The following JAZF1 variants were observed in gnomAD, a reference collection of about 807,000 sequenced individuals.
JAZF1 encodes juxtaposed with another zinc finger protein 1.
A neutral mutation model predicts 26.4 loss-of-function variants in JAZF1; 8 were observed. The ratio of observed to expected loss-of-function variants is 0.30; its 90% CI spans 0.18 to 0.55. JAZF1 has a LOEUF of 0.55. Among genes scored for constraint, JAZF1 ranks in the 20% least tolerant of loss-of-function variants. JAZF1 has a pLI of 0.94. For missense variants in JAZF1, 199 were observed against 322.0 expected, an observed-to-expected ratio of 0.62 and a Z score of 2.92; for synonymous variants, 126 against 122.3, an observed-to-expected ratio of 1.03 and a Z score of -0.20.
At chr7:27,911,658 A>C (rs1784362336) in intron 2 of JAZF1, among the ~76,000 whole-genome samples, 1 of 152,220 alleles carries the variant, frequency 6.6e-6, no homozygotes, top group South Asian at 2.1e-4. Flanking sequence ...CCTATTGAGC[A>C]GTGCTGTTAC....
chr7:27,908,310 A>C (rs907549605), intron 2 of JAZF1, among the ~76,000 whole-genome samples: 1 of 152,218 alleles, frequency 6.6e-6, no homozygotes, highest in Non-Finnish European at 1.5e-5. Context: ...TTCTTAAATG[A>C]AGTACTAATA....
intron 1 of JAZF1, among the ~76,000 whole-genome samples, chr7:28,128,684 G>A (rs1782739631): frequency 6.6e-6 from 1 of 152,160 alleles, no homozygotes; most frequent in Non-Finnish European, 1.5e-5. Flanking sequence ...AAGAAGGTGT[G>A]TCTTGCTGAG....
intron 1 of JAZF1, among the ~76,000 whole-genome samples, chr7:28,013,162 A>AC (rs1442489071): frequency 6.6e-6 from 1 of 151,876 alleles, no homozygotes; most frequent in East Asian, 1.9e-4. Flanking sequence ...ACCTGAGTGC[A>AC]CCCCCGGTGA....
intron 1 of JAZF1, among the ~76,000 whole-genome samples, chr7:28,085,124 C>T (rs1340151446): frequency 6.6e-6 from 1 of 152,184 alleles, no homozygotes; most frequent in East Asian, 1.9e-4. Context: ...CTGTTGTGTG[C>T]AACATTGTCT....
At chr7:28,100,621 G>C (rs1230196659) in intron 1 of JAZF1, among the ~76,000 whole-genome samples, 1 of 152,086 alleles carries the variant, frequency 6.6e-6, no homozygotes, top group Non-Finnish European at 1.5e-5. Flanking sequence ...CTACAAAATG[G>C]CTCAGTTTAA....
At chr7:28,169,433 ATCTC>A (rs1485778384) in intron 1 of JAZF1, among the ~76,000 whole-genome samples, 1 of 152,230 alleles carries the variant, frequency 6.6e-6, no homozygotes, top group Non-Finnish European at 1.5e-5. Flanking sequence ...TGTACTTGGC[ATCTC>A]TCTAAAATCT....
chr7:27,998,070 G>GC (rs11443916), intron 1 of JAZF1, among the ~76,000 whole-genome samples: 7,729 of 145,818 alleles, frequency 0.053, 268 homozygotes, highest in African/African-American at 0.095. Flanking sequence ...AGGAAGGAAG[G>GC]AAGGCAGGCA....
At chr7:28,166,436 CATGG>C (rs1170742879) in intron 1 of JAZF1, among the ~76,000 whole-genome samples, 3 of 152,152 alleles carry the variant, frequency 2.0e-5, no homozygotes, top group African/African-American at 7.2e-5. Flanking sequence ...AAGAGGAAGG[CATGG>C]CATTTTGTGA....
intron 2 of JAZF1, among the ~76,000 whole-genome samples, chr7:27,979,904 T>G (rs573566664): frequency 6.6e-6 from 1 of 152,212 alleles, no homozygotes; most frequent in Non-Finnish European, 1.5e-5. Flanking sequence ...GGTAGCCATC[T>G]ATCATATAGG....
intron 1 of JAZF1, among the ~76,000 whole-genome samples, chr7:28,027,589 G>T (rs537435670): frequency 5.3e-5 from 8 of 152,246 alleles, no homozygotes; most frequent in Admixed American, 4.6e-4. Context: ...GGGAACGTGG[G>T]TTGGGAGAGT....
chr7:28,097,833 T>A (rs558087782), intron 1 of JAZF1, among the ~76,000 whole-genome samples: 15 of 152,220 alleles, frequency 9.9e-5, no homozygotes, highest in African/African-American at 3.6e-4. Context: ...ATCTTGGAAA[T>A]GCCATGACTC....
intron 2 of JAZF1, among the ~76,000 whole-genome samples, chr7:27,898,863 A>G (rs1410372495): frequency 6.6e-6 from 1 of 152,172 alleles, no homozygotes; most frequent in Non-Finnish European, 1.5e-5. Flanking sequence ...GGTGTTGTGA[A>G]CTTGGACATA....
chr7:27,849,772 C>CACACACACACACAT (rs140580370), intron 3 of JAZF1, among the ~76,000 whole-genome samples: 6 of 147,012 alleles, frequency 4.1e-5, no homozygotes, highest in South Asian at 2.2e-4. Context: ...CACACACACA[C>CACACACACACACAT]ACCCCTACAC....
chr7:28,179,219 A>T (rs1002804723), intron 1 of JAZF1, among the ~76,000 whole-genome samples: 12 of 152,196 alleles, frequency 7.9e-5, no homozygotes, highest in African/African-American at 1.2e-4. Flanking sequence ...CTTCTAGCCC[A>T]CGCAGGACAA....
chr7:28,099,205 C>G (rs941939496), intron 1 of JAZF1, among the ~76,000 whole-genome samples: 8 of 152,166 alleles, frequency 5.3e-5, no homozygotes, highest in Non-Finnish European at 1.0e-4. Flanking sequence ...AGTATCTTGT[C>G]TCTTATGATG....
intron 2 of JAZF1, among the ~76,000 whole-genome samples, chr7:27,923,354 T>C (rs551928382): frequency 6.6e-5 from 10 of 152,308 alleles, no homozygotes; most frequent in African/African-American, 2.4e-4. Context: ...AAACAAGTGC[T>C]CTCGGCATGA....
At chr7:28,094,771 A>AT (rs890014747) in intron 1 of JAZF1, among the ~76,000 whole-genome samples, 7 of 151,602 alleles carry the variant, frequency 4.6e-5, no homozygotes, top group East Asian at 3.9e-4. Context: ...ATTATTTTTT[A>AT]TTTTTTTTGC....
intron 2 of JAZF1, among the ~76,000 whole-genome samples, chr7:27,919,672 T>C (rs1784497809): frequency 1.3e-5 from 2 of 152,214 alleles, no homozygotes; most frequent in African/African-American, 4.8e-5. Context: ...TGACTTATGG[T>C]TACAAAAGGA....
Position 28,160,039 on chromosome 7 carries a change from G to A in JAZF1, c.115+20424C>T, listed in dbSNP as rs973357452. ...AAGCAGAACTTAACAGAATGATGGGGTGATACTGCCCTCCAGGTGGTGAAA... is the reference window on the plus strand; with the variant it reads ...AAGCAGAACTTAACAGAATGATGGGATGATACTGCCCTCCAGGTGGTGAAA... On this transcript the variant is annotated intron_variant, in intron 1 of 4. Transcript: ENST00000283928. 5.9e-5 allele frequency among the ~76,000 whole-genome samples: 9 copies of A among 152,246 alleles called. No homozygotes were observed. The South Asian group carries it at 1.9e-3, about 32-fold the overall frequency.
Sources: gnomAD v4.1 joint callset for allele counts (sites outside exome capture counted in the v4.1 genomes callset) on GRCh38, gnomAD v4.1.1 for gene constraint, MANE v1.5 for transcripts, NCBI Gene and HGNC (gene_info 2026-07-23, HGNC 2026-07-21) for gene names.